The following COL14A1 variants were observed in gnomAD, a reference collection of about 807,000 sequenced individuals.
COL14A1 encodes the protein collagen alpha-1(XIV) chain.
In COL14A1, 136 loss-of-function variants were observed where a neutral mutation model predicts 230.3. That is an observed-to-expected ratio of 0.59 (90% CI 0.51 to 0.68). The LOEUF is 0.68. Among genes scored for constraint, COL14A1 ranks in the 30% least tolerant of loss-of-function variants. The pLI is 0.00. For missense variants in COL14A1, 1,976 were observed against 2,215.8 expected (o/e 0.89, Z 2.17); for synonymous variants, 792 against 784.1 (o/e 1.01, Z -0.17).
chr8:120,274,447 A>G (rs1159496071), intron 26 of COL14A1, among the ~76,000 whole-genome samples: 1 of 151,902 alleles, frequency 6.6e-6, no homozygotes, highest in African/African-American at 2.4e-5. Context: ...CACCGCTTCT[A>G]TTCAAGATAG....
Position 120,300,758 on chromosome 8 carries a change from TC to T in COL14A1, c.4345del (p.His1449IlefsTer123). 1 of 1,613,658 alleles carries T rather than the reference TC, an allele frequency of 6.2e-7. No homozygotes were observed. Among genetic ancestry groups the T allele is most frequent in the South Asian group, 1.1e-5 (1 of 91,056 alleles). ...LRDDESCPDL[P>X]HSCSCSETNE... is the part of the protein sequence containing the mutation. ...GAGATGATGAGTCTTGCCCAGACCT[TC>T]CCCATTCCTGCTCCTGTTCTGAAAC... is the stretch of plus-strand genomic sequence containing the variant. On this transcript the variant is annotated frameshift_variant, in exon 36 of 48. Coordinates refer to ENST00000297848, the MANE Select transcript of COL14A1 (RefSeq NM_021110.4). LOFTEE classifies it high-confidence loss of function.
At chr8:120,192,838 T>C (rs1370928312) in intron 5 of COL14A1, among the ~76,000 whole-genome samples, 4 of 152,356 alleles carry the variant, frequency 2.6e-5, no homozygotes, top group South Asian at 2.1e-4. Flanking sequence ...TTGATCGCAT[T>C]GGCTCCTGAG....
intron 4 of COL14A1, among the ~76,000 whole-genome samples, chr8:120,165,815 G>A (rs1405115036): frequency 6.6e-6 from 1 of 152,194 alleles, no homozygotes; most frequent in Non-Finnish European, 1.5e-5. Context: ...TACAGGTCCT[G>A]GGAGTTACAT....
rs1815932857 is a variant in COL14A1, at chr8:120,167,305, T to G, written c.350-856T>G. ...GGGTGGTTCAGAGGAAATCATTGTTTCCCCTATGTAGCTTACCCTTTAATA... is the reference window on the plus strand; with the variant it reads ...GGGTGGTTCAGAGGAAATCATTGTTGCCCCTATGTAGCTTACCCTTTAATA... On this transcript the variant is annotated intron_variant, in intron 4 of 47. Transcript: ENST00000297848. 1.3e-5 allele frequency among the ~76,000 whole-genome samples: 2 copies of G among 152,158 alleles called. 1 individual carries two copies. Among genetic ancestry groups the G allele is most frequent in the South Asian group, 4.2e-4 (2 of 4,812 alleles).
chr8:120,303,569 C>T (rs1820778941), intron 36 of COL14A1, among the ~76,000 whole-genome samples: 1 of 152,204 alleles, frequency 6.6e-6, no homozygotes, highest in African/African-American at 2.4e-5. Context: ...GCCAACCTAG[C>T]ATCCCAGGGA....
rs867849964 is a variant in COL14A1 at position 120,344,152 on chromosome 8, A to G, written c.4889-1223A>G. ...TAAAATAGCAAGGCCCTGCCTGTCA[A>G]TATACTAGAAGGAAATCAAAAAGGT... On this transcript the variant is annotated intron_variant, in intron 44 of 47. Coordinates refer to ENST00000297848, the MANE Select transcript of COL14A1 (RefSeq NM_021110.4). 1.8e-4 allele frequency among the ~76,000 whole-genome samples: 27 copies of G among 152,316 alleles called. No individual in the cohort carries two copies. In the Middle Eastern group the frequency reaches 0.01, roughly 58 times the overall value.
intron 35 of COL14A1, among the ~76,000 whole-genome samples, chr8:120,298,312 A>C (rs772354307): frequency 6.6e-6 from 1 of 151,742 alleles, no homozygotes; most frequent in Non-Finnish European, 1.5e-5. Flanking sequence ...AAATTTTTAA[A>C]ACATTCACAG....
chr8:120,369,610 T>C (rs976613825), intron 47 of COL14A1, 125 bp downstream of exon 47: 6 of 916,234 alleles, frequency 6.5e-6, no homozygotes, highest in Admixed American at 3.5e-5. Context: ...AGAGCTTGAA[T>C]GCCTCACTTC....
At chr8:120,182,291 A>G (rs1405440348) in intron 5 of COL14A1, among the ~76,000 whole-genome samples, 1 of 152,202 alleles carries the variant, frequency 6.6e-6, no homozygotes, top group African/African-American at 2.4e-5. Flanking sequence ...TCCCGTAGGA[A>G]TGCTCGGGCT....
At chr8:120,195,393 G>A (rs539471606) in intron 5 of COL14A1, among the ~76,000 whole-genome samples, 42 of 152,136 alleles carry the variant, frequency 2.8e-4, no homozygotes, top group Admixed American at 1.3e-3. Context: ...CCCTCTGCCC[G>A]CCACACACAC....
intron 21 of COL14A1, among the ~76,000 whole-genome samples, chr8:120,248,135 T>C (rs1222885010): frequency 6.6e-6 from 1 of 152,098 alleles, no homozygotes; most frequent in East Asian, 1.9e-4. Context: ...TACCTCTTAC[T>C]TCTTGGATTA....
At chr8:120,194,403 C>G (rs189594532) in intron 5 of COL14A1, among the ~76,000 whole-genome samples, 3 of 152,232 alleles carry the variant, frequency 2.0e-5, no homozygotes, top group African/African-American at 4.8e-5. Flanking sequence ...CAAGCCCCCC[C>G]TTACCCCCAA....
intron 42 of COL14A1, among the ~76,000 whole-genome samples, chr8:120,334,585 A>ACACACACACAC (rs113923173): frequency 0.014 from 2,002 of 144,740 alleles, 30 homozygotes; most frequent in East Asian, 0.058. Flanking sequence ...CACACACAAA[A>ACACACACACAC]ACACACACAC....
intron 5 of COL14A1, among the ~76,000 whole-genome samples, chr8:120,170,627 A>G (rs1200172739): frequency 6.6e-6 from 1 of 152,070 alleles, no homozygotes; most frequent in African/African-American, 2.4e-5. Flanking sequence ...CCTCGATGGT[A>G]TTAGTCCATT....
At chr8:120,206,500 C>T (rs1817436877) in intron 9 of COL14A1, among the ~76,000 whole-genome samples, 1 of 152,164 alleles carries the variant, frequency 6.6e-6, no homozygotes, top group Admixed American at 6.5e-5. Flanking sequence ...CAGGCACCTG[C>T]TACCATGCAC....
At chr8:120,209,102 G>A (rs763720556) in intron 11 of COL14A1, among the ~76,000 whole-genome samples, 4 of 152,084 alleles carry the variant, frequency 2.6e-5, no homozygotes, top group Non-Finnish European at 4.4e-5. Context: ...ACAATCTGTC[G>A]GATGAGTGTT....
intron 5 of COL14A1, among the ~76,000 whole-genome samples, chr8:120,185,005 C>T (rs767830554): frequency 1.3e-4 from 20 of 152,040 alleles, no homozygotes; most frequent in Admixed American, 1.2e-3. Context: ...ATTAACCACA[C>T]GCTGTATAAT....
intron 1 of COL14A1, among the ~76,000 whole-genome samples, chr8:120,132,609 T>G (rs563656597): frequency 7.2e-5 from 11 of 151,906 alleles, no homozygotes; most frequent in Admixed American, 2.0e-4. Context: ...GGTAGTTTGA[T>G]AGCAATAACA....
intron 1 of COL14A1, among the ~76,000 whole-genome samples, chr8:120,134,616 A>G (rs1814648626): frequency 1.3e-5 from 2 of 152,180 alleles, no homozygotes; most frequent in Admixed American, 1.3e-4. Context: ...ATATTGGGCA[A>G]CGTGTTTTAT....
Sources: allele counts gnomAD v4.1 joint callset (sites outside exome capture counted in the v4.1 genomes callset), GRCh38; gene constraint gnomAD v4.1.1; transcripts MANE v1.5; gene names NCBI Gene and HGNC (gene_info 2026-07-23, HGNC 2026-07-21).